Variants in CCNB3 observed in about 807,000 individuals in gnomAD.
CCNB3 encodes G2/mitotic-specific cyclin-B3.
Under a neutral mutation model 68.0 loss-of-function variants are expected in CCNB3, and 12 were observed. The ratio of observed to expected loss-of-function variants is 0.18; its 90% CI spans 0.11 to 0.29. The LOEUF is 0.29. CCNB3 is among the 10% of genes least tolerant of loss of function. CCNB3 has a pLI of 1.00. For missense variants in CCNB3, 904 were observed against 993.1 expected, an observed-to-expected ratio of 0.91 and a Z score of 1.21; for synonymous variants, 354 against 388.9, an observed-to-expected ratio of 0.91 and a Z score of 1.06.
At chrX:50,326,666 C>G (rs1284433631) in intron 8 of CCNB3, among the ~76,000 whole-genome samples, 1 of 111,354 alleles carries the variant, frequency 9.0e-6, no homozygotes, top group Non-Finnish European at 1.9e-5. Context: ...AGAAATCAGT[C>G]TTTCTGGATT....
At chrX:50,280,765 A>G (rs1936123141) in intron 1 of CCNB3, among the ~76,000 whole-genome samples, 3 of 109,955 alleles carry the variant, frequency 2.7e-5, no homozygotes, top group Admixed American at 9.8e-5. Context: ...CGCGTCTTTT[A>G]TTTTATTTTT....
At position 50,308,556 on chromosome X, in the gene CCNB3, C is replaced by T. The variant is rs782670315; in HGVS notation, c.387C>T (p.Asn129=). 33 of 1,207,820 alleles carry T rather than the reference C, an allele frequency of 2.7e-5. No homozygotes were observed. The highest frequency in any genetic ancestry group is 2.6e-4 in the African/African-American group (15 of 57,147). ...TAGCCTCTACTACCGTGGTACCAAA[C>T]ATTATGGAGAAACCACTCATTCTAG... ...PVVASTTVVP[N]IMEKPLILDI... Residue 129 remains asparagine, a synonymous_variant, in exon 6 of 13, where the codon AAC becomes AAT. Transcript: ENST00000376042.
chrX:50,227,853 T>A (rs1427473110), intron 1 of CCNB3, among the ~76,000 whole-genome samples: 1 of 82,639 alleles, frequency 1.2e-5, no homozygotes, highest in African/African-American at 4.7e-5. Flanking sequence ...AATATATAAA[T>A]ATATATGGAG....
intron 8 of CCNB3, among the ~76,000 whole-genome samples, chrX:50,315,597 T>G (rs1921685226): frequency 9.0e-6 from 1 of 111,718 alleles, no homozygotes. Flanking sequence ...TTCAGCAGTT[T>G]TACATGCACT....
At chrX:50,213,836 C>G (rs1471844170) in intron 1 of CCNB3, among the ~76,000 whole-genome samples, 5 of 110,827 alleles carry the variant, frequency 4.5e-5, no homozygotes, top group Non-Finnish European at 9.4e-5. Context: ...TCAGTAGGGT[C>G]TGTAGCATAA....
At chrX:50,279,676 A>G (rs1020760368) in intron 1 of CCNB3, among the ~76,000 whole-genome samples, 227 of 90,643 alleles carry the variant, frequency 2.5e-3, no homozygotes, top group African/African-American at 8.6e-3. Flanking sequence ...ATGAATATGT[A>G]CATTCATCTA....
intron 8 of CCNB3, among the ~76,000 whole-genome samples, chrX:50,330,306 C>A (rs1469640662): frequency 3.6e-5 from 4 of 111,590 alleles, no homozygotes; most frequent in Non-Finnish European, 1.9e-5. Context: ...GATAATATAA[C>A]CGTTTAGGTC....
At chrX:50,298,924 G>A (rs950343535) in intron 5 of CCNB3, among the ~76,000 whole-genome samples, 4 of 112,036 alleles carry the variant, frequency 3.6e-5, no homozygotes, top group Non-Finnish European at 5.6e-5. Flanking sequence ...TTGTGTAGAG[G>A]TGTTTATAGT....
intron 3 of CCNB3, among the ~76,000 whole-genome samples, chrX:50,288,546 G>T (rs1936284839): frequency 9.0e-6 from 1 of 111,060 alleles, no homozygotes; most frequent in African/African-American, 3.3e-5. Context: ...TACACTGAAG[G>T]TCATCTTGCC....
intron 1 of CCNB3, among the ~76,000 whole-genome samples, chrX:50,211,564 C>T (rs1935483296): frequency 3.6e-5 from 4 of 110,887 alleles, no homozygotes; most frequent in African/African-American, 9.8e-5. Flanking sequence ...CCTGTAGTAC[C>T]GGTTACTCAG....
In CCNB3 at chrX:50,288,834, T is replaced by G. The variant is rs781951258; in HGVS notation, c.151T>G (p.Ser51Ala). The G allele has an allele frequency of 2.5e-6, 3 of 1,208,950 alleles. No individual in the cohort carries two copies. In the Admixed American group the frequency reaches 6.5e-5, roughly 26 times the overall value. Residue 51 changes from serine to alanine, a missense_variant, in exon 4 of 13, where the codon TCT (serine) becomes GCT (alanine). Around this residue, in one of 2 missense-constraint regions of CCNB3, gnomAD observed 619 missense variants for 609.8 expected, o/e 1.02. Transcript: ENST00000376042. ...ISPSSLQESP[S>A]SLQGALKKRS... ...TCCATCTTCACTTCAGGAGTCTCCATCTTCACTTCAGGGAGCACTCAAAAA... is the reference window on the plus strand; with the variant it reads ...TCCATCTTCACTTCAGGAGTCTCCAGCTTCACTTCAGGGAGCACTCAAAAA...
chrX:50,227,287 C>T (rs1192206482), intron 1 of CCNB3, among the ~76,000 whole-genome samples: 3 of 68,567 alleles, frequency 4.4e-5, no homozygotes, highest in Non-Finnish European at 5.1e-5. Flanking sequence ...TATATAAATA[C>T]ATGTACAGAA....
At chrX:50,349,312 A>G (rs1395954488) in intron 11 of CCNB3, among the ~76,000 whole-genome samples, 1 of 112,461 alleles carries the variant, frequency 8.9e-6, no homozygotes, top group Non-Finnish European at 1.9e-5. Flanking sequence ...AATGATGTTA[A>G]TAGTGACAGA....
At chrX:50,211,304 C>G (rs1935478986) in intron 1 of CCNB3, among the ~76,000 whole-genome samples, 1 of 111,108 alleles carries the variant, frequency 9.0e-6, no homozygotes, top group Admixed American at 9.6e-5. Context: ...AAAACCTTCA[C>G]TATAGTATTA....
chrX:50,301,781 C>T (rs1602215939), intron 5 of CCNB3, among the ~76,000 whole-genome samples: 2 of 112,899 alleles, frequency 1.8e-5, no homozygotes, highest in East Asian at 5.6e-4. Context: ...ATGGGCTCCA[C>T]CCAGTTCGAG....
chrX:50,346,678 C>G lies in CCNB3; in HGVS notation c.3681C>G (p.Asp1227Glu), dbSNP rs781841647. The change falls in exon 10 of 13, where the codon GAC becomes GAG. Residue 1227 changes from aspartate (D) to glutamate (E), a missense_variant. Physicochemically the swap from Asp to Glu is conservative, Grantham distance 45. This residue lies in a region of CCNB3 where 285 missense variants were observed against 383.4 expected (regional missense o/e 0.74). Transcript: ENST00000376042. The stretch of plus-strand genomic sequence containing the variant: ...AGCACAACTCACCTCGTGTGGATGA[C>G]TTTGTGTACATCTGTGATGATAATT... ...FEEHNSPRVD[D>E]FVYICDDNYQ... The G allele has an allele frequency of 2.5e-6, 3 of 1,211,078 alleles. No homozygotes were observed. The East Asian group carries it at 8.9e-5, about 36-fold the overall frequency.
chrX:50,203,438 G>T (rs782295031), upstream of CCNB3, among the ~76,000 whole-genome samples: 1 of 112,192 alleles, frequency 8.9e-6, no homozygotes, highest in South Asian at 3.7e-4. Context: ...TAGAAAATGG[G>T]CAGTGATGCC....
chrX:50,217,267 G>GTTTT (rs1220524134), intron 1 of CCNB3, among the ~76,000 whole-genome samples: 10 of 29,696 alleles, frequency 3.4e-4, no homozygotes, highest in South Asian at 4.0e-3. Context: ...CTTCACTCTT[G>GTTTT]TTTTTTTTTT....
At chrX:50,305,044 T>G (rs1557213283) in intron 5 of CCNB3, among the ~76,000 whole-genome samples, 1 of 111,760 alleles carries the variant, frequency 8.9e-6, no homozygotes, top group African/African-American at 3.3e-5. Context: ...GGAACACTTT[T>G]ACACTGTTGG....
Sources: allele counts gnomAD v4.1 joint callset (sites outside exome capture counted in the v4.1 genomes callset), GRCh38; gene constraint gnomAD v4.1.1; regional missense constraint gnomAD v4.1.1; transcripts MANE v1.5; gene names NCBI Gene and HGNC (gene_info 2026-07-23, HGNC 2026-07-21).